KIF26B: variants seen among roughly 807,000 people sequenced by gnomAD.
The protein encoded by KIF26B is kinesin-like protein KIF26B.
A neutral mutation model predicts 151.2 loss-of-function variants in KIF26B; 63 were observed. That is an observed-to-expected ratio of 0.42 (90% CI 0.34 to 0.51). KIF26B has a LOEUF of 0.51. KIF26B is among the 20% of genes least tolerant of loss of function. The pLI is 0.07. For missense variants in KIF26B, 2,813 were observed against 2,913.6 expected, an observed-to-expected ratio of 0.97 and a Z score of 0.79; for synonymous variants, 1,357 against 1,262.1, an observed-to-expected ratio of 1.08 and a Z score of -1.59.
At chr1:245,276,426 C>T (rs527356761) in intron 2 of KIF26B, among the ~76,000 whole-genome samples, 1 of 152,262 alleles carries the variant, frequency 6.6e-6, no homozygotes, top group African/African-American at 2.4e-5. Flanking sequence ...GGGGTTTTCT[C>T]CTGTTTATTT....
intron 5 of KIF26B, among the ~76,000 whole-genome samples, chr1:245,546,621 A>G (rs1277867551): frequency 1.3e-5 from 2 of 152,242 alleles, no homozygotes; most frequent in Non-Finnish European, 1.5e-5. Flanking sequence ...GTGATGGACA[A>G]TTCTGGATCC....
At chr1:245,524,827 C>A (rs1661204665) in intron 4 of KIF26B, among the ~76,000 whole-genome samples, 2 of 152,128 alleles carry the variant, frequency 1.3e-5, no homozygotes, top group African/African-American at 4.8e-5. Flanking sequence ...CCCCTATTTA[C>A]TTCTCAACCC....
At chr1:245,190,737 G>A (rs2103532609) in intron 2 of KIF26B, among the ~76,000 whole-genome samples, 1 of 148,408 alleles carries the variant, frequency 6.7e-6, no homozygotes, top group African/African-American at 2.5e-5. Context: ...TTTTCCCTTA[G>A]GCTTATGATG....
At chr1:245,327,297 G>A (rs568348629) in intron 2 of KIF26B, among the ~76,000 whole-genome samples, 2 of 152,286 alleles carry the variant, frequency 1.3e-5, no homozygotes, top group South Asian at 4.1e-4. Context: ...AAATGAAACA[G>A]ATGTGAGTGT....
chr1:245,303,001 A>AAAG (rs1216920508), intron 2 of KIF26B, among the ~76,000 whole-genome samples: 1 of 149,486 alleles, frequency 6.7e-6, no homozygotes, highest in African/African-American at 2.5e-5. Flanking sequence ...AAAAAAAAAA[A>AAAG]AAAAAAAAAA....
chr1:245,196,495 T>G (rs1219999581), intron 2 of KIF26B, among the ~76,000 whole-genome samples: 1 of 152,122 alleles, frequency 6.6e-6, no homozygotes, highest in African/African-American at 2.4e-5. Context: ...GACCTCTCGG[T>G]CTCCTCCCAC....
At chr1:245,671,969 C>G (rs941126637) in intron 10 of KIF26B, among the ~76,000 whole-genome samples, 1 of 152,214 alleles carries the variant, frequency 6.6e-6, no homozygotes, top group Non-Finnish European at 1.5e-5. Flanking sequence ...TCATCCTCCT[C>G]ACTCAGCCTC....
At chr1:245,224,130 C>T (rs1008882871) in intron 2 of KIF26B, among the ~76,000 whole-genome samples, 4 of 151,954 alleles carry the variant, frequency 2.6e-5, no homozygotes, top group African/African-American at 9.7e-5. Flanking sequence ...ACTAAAAATA[C>T]AAAAATTAGC....
intron 9 of KIF26B, among the ~76,000 whole-genome samples, chr1:245,632,962 G>A (rs1198043629): frequency 2.0e-5 from 3 of 152,074 alleles, no homozygotes; most frequent in Admixed American, 2.0e-4. Context: ...TTACTGCATT[G>A]GGGTCAAGCT....
chr1:245,419,558 C>CG, intron 3 of KIF26B, 21 bp from the exon 4 acceptor site: 3 of 1,598,912 alleles, frequency 1.9e-6, no homozygotes, highest in Non-Finnish European at 2.6e-6. Context: ...TAATGAGCTC[C>CG]GTATCCATTT....
chr1:245,660,089 T>C (rs2044118757), intron 10 of KIF26B, among the ~76,000 whole-genome samples: 1 of 151,808 alleles, frequency 6.6e-6, no homozygotes, highest in South Asian at 2.1e-4. Context: ...GAATATTTTT[T>C]CTATGGCAAT....
At chr1:245,691,560 G>A (rs4658797) in intron 12 of KIF26B, among the ~76,000 whole-genome samples, 90,008 of 151,958 alleles carry the variant, frequency 0.59, 28,597 homozygotes, top group Middle Eastern at 0.74. Context: ...GTCAGACATG[G>A]TCAGCATAAA....
chr1:245,434,972 T>TGTCC (rs1658869609), intron 4 of KIF26B, among the ~76,000 whole-genome samples: 3 of 116,634 alleles, frequency 2.6e-5, no homozygotes, highest in African/African-American at 3.2e-5. Context: ...TATGCTCTTT[T>TGTCC]GTCCATCCAT....
chr1:245,686,273 T>G lies in KIF26B; in HGVS notation c.3290T>G (p.Val1097Gly). The G allele has an allele frequency of 6.2e-7, 1 of 1,612,726 alleles. No homozygotes were observed. Among genetic ancestry groups the G allele is most frequent in the South Asian group, 1.1e-5 (1 of 91,078 alleles). ...TGCAAAGTCTACACCCAGAAGGGGG[T>G]CCTGCCGTCTCCCGCCCCACTGCCT... Reference protein sequence around the residue: ...QRCKVYTQKGVLPSPAPLPPS... With the variant: ...QRCKVYTQKGGLPSPAPLPPS... Residue 1097 changes from valine (V) to glycine (G), a missense_variant, in exon 12 of 15, where the codon GTC (valine) becomes GGC (glycine). Val to Gly is a moderately radical substitution (Grantham distance 109). Transcript: ENST00000407071. This position sits in a 1 kb window ranked among gnomAD's most constrained non-coding sequence, Gnocchi z 5.6.
chr1:245,187,649 A>G (rs369253231), intron 2 of KIF26B, among the ~76,000 whole-genome samples: 4 of 152,302 alleles, frequency 2.6e-5, no homozygotes, highest in East Asian at 3.8e-4. Flanking sequence ...ACCCACCTGT[A>G]CTTTAGGAGA....
At chr1:245,641,095 G>T (rs929541456) in intron 9 of KIF26B, among the ~76,000 whole-genome samples, 2 of 151,972 alleles carry the variant, frequency 1.3e-5, no homozygotes, top group African/African-American at 2.4e-5. Flanking sequence ...TAACTGCTTG[G>T]TGCAGTATCC....
intron 4 of KIF26B, among the ~76,000 whole-genome samples, chr1:245,473,382 C>T (rs1482374088): frequency 6.6e-6 from 1 of 152,208 alleles, no homozygotes; most frequent in African/African-American, 2.4e-5. Context: ...ACACATTAGA[C>T]ATTAAGGTTT....
intron 4 of KIF26B, among the ~76,000 whole-genome samples, chr1:245,497,646 T>C (rs976431654): frequency 2.0e-5 from 3 of 152,220 alleles, no homozygotes; most frequent in African/African-American, 7.2e-5. Context: ...CCCTGAAGTG[T>C]GTATTCCTAA....
intron 3 of KIF26B, among the ~76,000 whole-genome samples, chr1:245,406,416 G>T (rs1173367789): frequency 1.3e-5 from 2 of 152,168 alleles, no homozygotes; most frequent in Admixed American, 1.3e-4. Flanking sequence ...GTGGCTCAGG[G>T]TATAATGCAC....
Sources: gnomAD v4.1 joint callset for allele counts (sites outside exome capture counted in the v4.1 genomes callset) on GRCh38, gnomAD v4.1.1 for gene constraint, Gnocchi (gnomAD v3.1) non-coding constraint, MANE v1.5 for transcripts, NCBI Gene and HGNC (gene_info 2026-07-23, HGNC 2026-07-21) for gene names.